RNF14: variants seen among roughly 807,000 people sequenced by gnomAD.
RNF14 encodes ring finger protein 14, also known as E3 ubiquitin-protein ligase RNF14.
A neutral mutation model predicts 52.6 loss-of-function variants in RNF14; 26 were observed. The ratio of observed to expected loss-of-function variants is 0.49; its 90% CI spans 0.36 to 0.69. The LOEUF is 0.69. RNF14 is among the 30% of genes least tolerant of loss of function. RNF14 has a pLI of 0.00. For synonymous variants in RNF14, 194 were observed against 202.0 expected, an observed-to-expected ratio of 0.96 and a Z score of 0.34; for missense variants, 404 against 560.4, an observed-to-expected ratio of 0.72 and a Z score of 2.82.
chr5:141,957,903 T>C (rs746983639), upstream of RNF14: 9 of 1,554,610 alleles, frequency 5.8e-6, no homozygotes, highest in Non-Finnish European at 7.8e-6. This position sits in a 1 kb window ranked among gnomAD's most constrained non-coding sequence, Gnocchi z 4.3. Flanking sequence ...CTTTCAAGGC[T>C]GGACAAGTCC....
chr5:141,981,412 C>G (rs1449339263), intron 6 of RNF14, among the ~76,000 whole-genome samples: 1 of 152,056 alleles, frequency 6.6e-6, no homozygotes, highest in Non-Finnish European at 1.5e-5. Context: ...TCAGTTGAGA[C>G]TAGCTTGGGC....
At chr5:141,963,414 G>A (rs1753290437), upstream of RNF14, among the ~76,000 whole-genome samples, 1 of 148,288 alleles carries the variant, frequency 6.7e-6, no homozygotes, top group Non-Finnish European at 1.5e-5. Flanking sequence ...GGTTTGCACA[G>A]TGAATTTGAA....
intron 1 of RNF14, among the ~76,000 whole-genome samples, chr5:141,960,174 G>A (rs1753248872): frequency 6.6e-6 from 1 of 152,162 alleles, no homozygotes; most frequent in African/African-American, 2.4e-5. Flanking sequence ...GCCCCCTGCT[G>A]GCAGCCCACG....
At chr5:141,987,701 G>A (rs1193309829) in intron 8 of RNF14, 32 bp from the exon 9 acceptor site, 1 of 1,606,478 alleles carries the variant, frequency 6.2e-7, no homozygotes, top group Non-Finnish European at 8.5e-7. Context: ...TCGTTCAAGT[G>A]TATAAAAATG....
At position 141,989,635 on chromosome 5, in the gene RNF14, G is replaced by A. The variant is rs1462445778; in HGVS notation, c.*1845G>A. ...ATGAACCTGGGAGGTGGAGCTTGCA[G>A]TGAGCCGAGATAGCGCCACTGCACT... is the stretch of plus-strand genomic sequence containing the variant. On this transcript the variant is annotated 3_prime_UTR_variant, in exon 9 of 9. Coordinates refer to ENST00000394520, the MANE Select transcript of RNF14 (RefSeq NM_004290.5). The A allele has an allele frequency of 3.3e-5, 5 of 151,248 alleles. No individual in the cohort carries two copies. The highest frequency in any genetic ancestry group is 7.4e-5 in the Non-Finnish European group (5 of 67,942). The allele number at this position is 151,248 out of a possible 1,614,324, so 9.4% of individuals were successfully genotyped here.
At chr5:141,969,749 AC>A (rs1357583633) in intron 1 of RNF14, 21 of 152,308 alleles carry the variant, frequency 1.4e-4, no homozygotes, top group Admixed American at 1.3e-3. Flanking sequence ...AACTTGGAAA[AC>A]TACTGAGGCC....
intron 1 of RNF14, among the ~76,000 whole-genome samples, chr5:141,961,395 T>A (rs1753274403): frequency 6.6e-6 from 1 of 152,216 alleles, no homozygotes; most frequent in African/African-American, 2.4e-5. Context: ...CAGACTTTTT[T>A]AAGGTGATCA....
At chr5:141,951,472 T>TG in the RNF14 span, 2 of 1,595,748 alleles carry the variant, frequency 1.3e-6, no homozygotes, top group South Asian at 2.2e-5. Flanking sequence ...GAGATGCCTG[T>TG]GGGGGCTACG....
intron 5 of RNF14, among the ~76,000 whole-genome samples, chr5:141,979,380 C>T (rs10476832): frequency 0.024 from 3,593 of 152,162 alleles, 141 homozygotes; most frequent in African/African-American, 0.082. Context: ...TCCCAAGTAG[C>T]TGGGATTACA....
chr5:141,951,734 GC>G, the RNF14 span: 1 of 676,330 alleles, frequency 1.5e-6, no homozygotes, highest in South Asian at 1.7e-5. Context: ...GGGGGATGGT[GC>G]CCAGTGACAG....
intron 2 of RNF14, among the ~76,000 whole-genome samples, chr5:141,972,934 C>A (rs539594948): frequency 1.7e-3 from 261 of 152,186 alleles, no homozygotes; most frequent in African/African-American, 6.0e-3. Context: ...ACCACTTTTG[C>A]GAACCAGGCA....
At chr5:141,957,721 G>C (rs1338822809), upstream of RNF14, 1 of 1,613,900 alleles carries the variant, frequency 6.2e-7, no homozygotes, top group East Asian at 2.2e-5. This position sits in a 1 kb window ranked among gnomAD's most constrained non-coding sequence, Gnocchi z 4.3. Flanking sequence ...CCCGATCACT[G>C]TACCAGATGG....
the RNF14 span, among the ~76,000 whole-genome samples, chr5:141,951,893 G>A: frequency 6.6e-6 from 1 of 152,188 alleles, no homozygotes; most frequent in Non-Finnish European, 1.5e-5. Flanking sequence ...TGAGAGATGG[G>A]GTGAAAAAGG....
At chr5:141,957,184 G>T (rs767297303), upstream of RNF14, 11 of 1,614,180 alleles carry the variant, frequency 6.8e-6, no homozygotes, top group South Asian at 1.1e-4. The surrounding 1 kb of genome is among the most constrained non-coding windows in gnomAD (Gnocchi z 4.3). Context: ...ACCTGACTTG[G>T]GGGGGTTCCC....
intron 6 of RNF14, chr5:141,981,827 G>C (rs1437874019): frequency 6.6e-6 from 1 of 151,704 alleles, no homozygotes; most frequent in African/African-American, 2.4e-5. Flanking sequence ...ACTCCAGCCT[G>C]GGGGACAGAG....
chr5:141,960,858 A>G (rs920211173), intron 1 of RNF14, among the ~76,000 whole-genome samples: 1 of 152,142 alleles, frequency 6.6e-6, no homozygotes, highest in Non-Finnish European at 1.5e-5. Flanking sequence ...AGTTGAGAGT[A>G]ATGCAGGGGA....
intron 8 of RNF14, among the ~76,000 whole-genome samples, chr5:141,985,396 A>C (rs939869465): frequency 6.6e-6 from 1 of 152,354 alleles, no homozygotes; most frequent in South Asian, 2.1e-4. Context: ...GTAAACAAAC[A>C]TATTTGAAAC....
intron 8 of RNF14, among the ~76,000 whole-genome samples, chr5:141,987,020 G>A (rs1755296349): frequency 6.6e-6 from 1 of 152,230 alleles, no homozygotes; most frequent in Non-Finnish European, 1.5e-5. Flanking sequence ...TCCATGGTCA[G>A]TGGTCTATTG....
chr5:141,969,636 C>G (rs1241990211), intron 1 of RNF14: 1 of 152,274 alleles, frequency 6.6e-6, no homozygotes, highest in Non-Finnish European at 1.5e-5. Context: ...TTCCAAGTGA[C>G]AGCTTCACAA....
Sources: gnomAD v4.1 joint callset for allele counts (sites outside exome capture counted in the v4.1 genomes callset) on GRCh38, gnomAD v4.1.1 for gene constraint, Gnocchi (gnomAD v3.1) non-coding constraint, MANE v1.5 for transcripts, NCBI Gene and HGNC (gene_info 2026-07-23, HGNC 2026-07-21) for gene names.